The following PSMC5 variants were observed in gnomAD, a reference collection of about 807,000 sequenced individuals.
PSMC5 encodes the protein 26S proteasome regulatory subunit 8.
A neutral mutation model predicts 49.1 loss-of-function variants in PSMC5; 11 were observed. The observed-to-expected ratio is 0.22, with a 90% CI of 0.14 to 0.37. PSMC5 has a LOEUF of 0.37. Among genes scored for constraint, PSMC5 ranks in the 10% least tolerant of loss-of-function variants. The probability of loss-of-function intolerance (pLI) is 1.00; values close to 1 mark genes in which losing one functional copy is unlikely to be tolerated. For synonymous variants in PSMC5, 206 were observed against 192.2 expected (o/e 1.07, Z -0.59); for missense variants, 229 against 520.9 (o/e 0.44, Z 5.45).
chr17:63,828,523 A>C (rs2040140666), intron 2 of PSMC5: 1 of 250,780 alleles, frequency 4.0e-6, no homozygotes, highest in African/African-American at 2.3e-5. Flanking sequence ...TTCTTATAAA[A>C]GGGAAACATA....
In PSMC5 at chr17:63,831,079, T is replaced by C. The variant is rs935864333; in HGVS notation, c.723T>C (p.His241=). 3 of 1,567,790 alleles carry C rather than the reference T, an allele frequency of 1.9e-6. No individual in the cohort carries two copies. Among genetic ancestry groups the C allele is most frequent in the Admixed American group, 1.8e-5 (1 of 55,244 alleles). The change falls in exon 8 of 12, where the codon CAT becomes CAC. Residue 241 remains histidine (H), a synonymous_variant. Transcript: ENST00000310144. The surrounding 1 kb of genome is among the most constrained non-coding windows in gnomAD (Gnocchi z 6.3). The part of the protein sequence containing the change: ...VRELFVMARE[H]APSIIFMDEI... The stretch of plus-strand genomic sequence containing the variant: ...AGCTGTTTGTCATGGCACGGGAACA[T>C]GCTCCATCTATCATCTTCATGGACG...
At position 63,831,480 on chromosome 17, in the gene PSMC5, C is replaced by T; in HGVS notation, c.970-26C>T. ...CTGGCTGTGGGGGTGGGGTGTGGGG[C>T]TCAGGCTTTTCCTTGCCATCTCCAG... On this transcript the variant is annotated intron_variant, in intron 9 of 11. Coordinates refer to ENST00000310144, the MANE Select transcript of PSMC5 (RefSeq NM_002805.6). This position sits in a 1 kb window ranked among gnomAD's most constrained non-coding sequence, Gnocchi z 6.3. 6.2e-7 allele frequency: 1 copy of T among 1,613,094 alleles called. No homozygotes were observed. The highest frequency in any genetic ancestry group is 1.3e-5 in the African/African-American group (1 of 74,984).
At chr17:63,829,257 T>C in intron 2 of PSMC5, 1 of 445,718 alleles carries the variant, frequency 2.2e-6, no homozygotes. Flanking sequence ...CATTAGATTC[T>C]GTTACTCCTG....
chr17:63,827,454 C>A lies in PSMC5; in HGVS notation c.-37C>A. The A allele has an allele frequency of 6.4e-7, 1 of 1,551,750 alleles. No homozygotes were observed. The highest frequency in any genetic ancestry group is 1.4e-5 in the African/African-American group (1 of 73,190). ...CCGCTTCCGCGCTTGCGCGCCAAGA[C>A]GGCTCGGATGCCGGCGGTCTCTGCT... On this transcript the variant is annotated 5_prime_UTR_variant, in exon 1 of 12. Coordinates refer to ENST00000310144, the MANE Select transcript of PSMC5 (RefSeq NM_002805.6).
rs1243501675 is a variant in PSMC5 at position 63,830,955 on chromosome 17, T to G, written c.679+20T>G. 4.3e-6 allele frequency: 7 copies of G among 1,613,776 alleles called. No homozygotes were observed. Among genetic ancestry groups the G allele is most frequent in the Non-Finnish European group, 5.9e-6 (7 of 1,179,894 alleles). On this transcript the variant is annotated intron_variant, in intron 7 of 11. Transcript: ENST00000310144. The surrounding 1 kb of genome is among the most constrained non-coding windows in gnomAD (Gnocchi z 4.0). ...GGGAAGGTAACCATGGCTAGCAATG[T>G]GAGAAGCAAGAGGTAGGGGTAGGGG...
chr17:63,829,484 T>C lies in PSMC5; in HGVS notation c.97-10T>C. ...CTTGAATAATGGAATTTGTCTCTTG[T>C]CTGCCACAGCTGATTGTGAATGATA... On this transcript the variant is annotated splice_polypyrimidine_tract_variant and intron_variant, in intron 2 of 11. Coordinates refer to ENST00000310144, the MANE Select transcript of PSMC5 (RefSeq NM_002805.6). 6.4e-7 allele frequency: 1 copy of C among 1,552,656 alleles called. No individual in the cohort carries two copies. The highest frequency in any genetic ancestry group is 2.4e-5 in the East Asian group (1 of 41,014).
At chr17:63,828,237 G>A (rs776302363) in intron 2 of PSMC5, 28 bp downstream of exon 2, 7 of 1,607,670 alleles carry the variant, frequency 4.4e-6, no homozygotes, top group Non-Finnish European at 5.1e-6. Flanking sequence ...AGGGAGCTAG[G>A]AAGGGTGATG....
Position 63,831,617 on chromosome 17 carries a change from G to GT in PSMC5, c.1080+2dup. Reference sequence around the variant, plus strand: ...AGGAGCATCAGGGGCTGAAGTGAAGGTAATTGGAGTACCCACTGAAAACAG... The same window carrying GT: ...AGGAGCATCAGGGGCTGAAGTGAAGGTTAATTGGAGTACCCACTGAAAACAG... On this transcript the variant is annotated splice_donor_variant, in intron 10 of 11. Transcript: ENST00000310144. LOFTEE classifies it high-confidence loss of function. This position sits in a 1 kb window ranked among gnomAD's most constrained non-coding sequence, Gnocchi z 6.3. 6.2e-7 allele frequency: 1 copy of GT among 1,614,058 alleles called. No individual in the cohort carries two copies. Among genetic ancestry groups the GT allele is most frequent in the Non-Finnish European group, 8.5e-7 (1 of 1,179,918 alleles).
rs2040138789 is a variant in PSMC5, at chr17:63,828,386, C to T, written c.96+177C>T. The T allele has an allele frequency of 9.9e-6, 6 of 605,422 alleles. 1 individual carries two copies. The South Asian group carries it at 1.2e-4, about 12-fold the overall frequency. 37.5% of individuals were successfully genotyped at this position (605,422 alleles called of 1,614,324 possible). A position where few individuals can be genotyped will look rare whatever the true frequency, so the allele number is the denominator to read the frequency against. On this transcript the variant is annotated intron_variant, in intron 2 of 11. Transcript: ENST00000310144. ...CAGAAGTAAGCAATCTCTTGTTCTC[C>T]TCCAGTCCCATCTCTTTGAGGGTCT...
Position 63,828,190 on chromosome 17 carries a change from C to A in PSMC5, c.77C>A (p.Ser26Tyr). 1 of 1,614,016 alleles carries A rather than the reference C, an allele frequency of 6.2e-7. No homozygotes were observed. The highest frequency in any genetic ancestry group is 1.1e-5 in the South Asian group (1 of 91,072). The part of the protein sequence containing the change: ...AGSGLRQYYL[S>Y]KIEELQLIVN... ...AGCGGACTCCGCCAATATTATCTGT[C>A]CAAGATTGAAGAACTCCAGGTGAGG... Residue 26 changes from serine (S) to tyrosine (Y), a missense_variant, in exon 2 of 12, where the codon TCC becomes TAC. Physicochemically the swap from Ser to Tyr is moderately radical, Grantham distance 144. Transcript: ENST00000310144.
Position 63,829,487 on chromosome 17 carries a change from G to C in PSMC5, c.97-7G>C. On this transcript the variant is annotated splice_polypyrimidine_tract_variant and splice_region_variant and intron_variant, in intron 2 of 11. Coordinates refer to ENST00000310144, the MANE Select transcript of PSMC5 (RefSeq NM_002805.6). ...GAATAATGGAATTTGTCTCTTGTCT[G>C]CCACAGCTGATTGTGAATGATAAGA... 1 of 1,552,998 alleles carries C rather than the reference G, an allele frequency of 6.4e-7. No homozygotes were observed. The highest frequency in any genetic ancestry group is 8.7e-7 in the Non-Finnish European group (1 of 1,147,640).
intron 2 of PSMC5, 43 bp downstream of exon 2, chr17:63,828,252 G>T: frequency 6.3e-7 from 1 of 1,589,568 alleles, no homozygotes; most frequent in South Asian, 1.1e-5. Flanking sequence ...GTGATGATGG[G>T]GGATGGAAAC....
chr17:63,827,859 A>G, intron 1 of PSMC5: 1 of 1,430,590 alleles, frequency 7.0e-7, no homozygotes. Context: ...AGAGCACTTC[A>G]CGCAGTGCAA....
chr17:63,831,763 C>T lies in PSMC5; in HGVS notation c.1120C>T (p.Arg374Trp). 6.2e-7 allele frequency: 1 copy of T among 1,614,194 alleles called. No homozygotes were observed. The highest frequency in any genetic ancestry group is 8.5e-7 in the Non-Finnish European group (1 of 1,180,040). The change falls in exon 11 of 12, where the codon CGG (arginine) becomes TGG (tryptophan). Residue 374 changes from arginine to tryptophan, a missense_variant. Physicochemically the swap from Arg to Trp is moderately radical, Grantham distance 101. Transcript: ENST00000310144. The surrounding 1 kb of genome is among the most constrained non-coding windows in gnomAD (Gnocchi z 6.3). Reference sequence around the variant, plus strand: ...AGCTGGCATGTATGCCCTGCGAGAACGGCGAGTCCATGTCACTCAGGAGGA... The same window carrying T: ...AGCTGGCATGTATGCCCTGCGAGAATGGCGAGTCCATGTCACTCAGGAGGA... Reference protein sequence around the residue: ...TEAGMYALRERRVHVTQEDFE... With the variant: ...TEAGMYALREWRVHVTQEDFE...
Position 63,830,784 on chromosome 17 carries a change from CCT to C in PSMC5, c.553-24_553-23del, listed in dbSNP as rs1567757916. On this transcript the variant is annotated intron_variant, in intron 6 of 11. Transcript: ENST00000310144. This position sits in a 1 kb window ranked among gnomAD's most constrained non-coding sequence, Gnocchi z 4.0. The stretch of plus-strand genomic sequence containing the variant: ...TGAAATGAGGGGTGTAGCTTTCTGC[CCT>C]GAGTCCTGCTGTTCCCCTGTAGGGA... 6.2e-6 allele frequency: 10 copies of C among 1,613,154 alleles called. No homozygotes were observed. Among genetic ancestry groups the C allele is most frequent in the South Asian group, 2.2e-5 (2 of 90,996 alleles).
rs2040189492 is a variant in PSMC5 at position 63,831,669 on chromosome 17, A to AG, written c.1081-52dup. On this transcript the variant is annotated intron_variant, in intron 10 of 11. Coordinates refer to ENST00000310144, the MANE Select transcript of PSMC5 (RefSeq NM_002805.6). This position sits in a 1 kb window ranked among gnomAD's most constrained non-coding sequence, Gnocchi z 6.3. ...GCAGAGGCAGGAAGCTCTGGGCTCA[A>AG]GGGCCACAGATGAGGGGCACAGCAG... The AG allele has an allele frequency of 6.2e-7, 1 of 1,612,968 alleles. No homozygotes were observed. Among genetic ancestry groups the AG allele is most frequent in the Non-Finnish European group, 8.5e-7 (1 of 1,178,940 alleles).
chr17:63,830,010 T>G lies in PSMC5; in HGVS notation c.264+61T>G. On this transcript the variant is annotated intron_variant, in intron 4 of 11. Coordinates refer to ENST00000310144, the MANE Select transcript of PSMC5 (RefSeq NM_002805.6). This position sits in a 1 kb window ranked among gnomAD's most constrained non-coding sequence, Gnocchi z 4.0. ...TCCACTGCATTCCCACCCCTTTGTG[T>G]GTAGCCTCGGGAGACAGGGTTCTGT... 1 of 1,567,566 alleles carries G rather than the reference T, an allele frequency of 6.4e-7. No individual in the cohort carries two copies. The highest frequency in any genetic ancestry group is 8.7e-7 in the Non-Finnish European group (1 of 1,151,682).
At position 63,830,081 on chromosome 17, in the gene PSMC5, G is replaced by C; in HGVS notation, c.265-52G>C. 17 of 1,597,894 alleles carry C rather than the reference G, an allele frequency of 1.1e-5. No individual in the cohort carries two copies. Among genetic ancestry groups the C allele is most frequent in the Non-Finnish European group, 1.5e-5 (17 of 1,170,962 alleles). On this transcript the variant is annotated intron_variant, in intron 4 of 11. Coordinates refer to ENST00000310144, the MANE Select transcript of PSMC5 (RefSeq NM_002805.6). This position sits in a 1 kb window ranked among gnomAD's most constrained non-coding sequence, Gnocchi z 4.0. ...GATTCTCATAGGTCTTCCTGGGTAG[G>C]ATTAGTGATTTGGTGGCTGTCAAGG... is the stretch of plus-strand genomic sequence containing the variant.
chr17:63,829,047 C>G (rs58193535), intron 2 of PSMC5: 2,515 of 158,572 alleles, frequency 0.016, 60 homozygotes, highest in African/African-American at 0.058. Context: ...AGTCTTGAAG[C>G]AGGGTAGCTG....
Sources: allele counts gnomAD v4.1 joint callset, GRCh38; gene constraint gnomAD v4.1.1; non-coding constraint Gnocchi (gnomAD v3.1); transcripts MANE v1.5; gene names NCBI Gene and HGNC (gene_info 2026-07-23, HGNC 2026-07-21).